The following EDEM2 variants were observed in gnomAD, a reference collection of about 807,000 sequenced individuals.
The protein encoded by EDEM2 is ER degradation enhancing alpha-mannosidase like protein 2, also known as ER degradation-enhancing alpha-mannosidase-like protein 2.
Under a neutral mutation model 64.8 loss-of-function variants are expected in EDEM2, and 39 were observed. The ratio of observed to expected loss-of-function variants is 0.60; its 90% confidence interval spans 0.47 to 0.79. EDEM2 has a LOEUF of 0.79. Among genes scored for constraint, EDEM2 ranks in the 30% least tolerant of loss-of-function variants. EDEM2 has a pLI of 0.00. For synonymous variants in EDEM2, 296 were observed against 291.5 expected, an observed-to-expected ratio of 1.02 and a Z score of -0.16; for missense variants, 609 against 731.3, an observed-to-expected ratio of 0.83 and a Z score of 1.93.
Position 35,115,773 on chromosome 20 carries a change from A to C in EDEM2, c.1397T>G (p.Leu466Arg). 6.2e-7 allele frequency: 1 copy of C among 1,614,192 alleles called. No homozygotes were observed. Among genetic ancestry groups the C allele is most frequent in the Non-Finnish European group, 8.5e-7 (1 of 1,180,026 alleles). Reference sequence around the variant, plus strand: ...GTTGAAGATGTACCCCCCAGCCCCCAGGATGCACTCCCCATAGGGGGTGAT... The same window carrying C: ...GTTGAAGATGTACCCCCCAGCCCCCCGGATGCACTCCCCATAGGGGGTGAT... ...AVITPYGECILGAGGYIFNTE... is the reference protein window; with the variant it reads ...AVITPYGECIRGAGGYIFNTE... The change falls in exon 11 of 11, where the codon CTG becomes CGG. Residue 466 changes from leucine to arginine, a missense_variant. Coordinates refer to ENST00000374492, the MANE Select transcript of EDEM2 (RefSeq NM_018217.3).
At chr20:35,140,778 A>G (rs948903179) in intron 4 of EDEM2, among the ~76,000 whole-genome samples, 6 of 152,134 alleles carry the variant, frequency 3.9e-5, no homozygotes, top group African/African-American at 1.2e-4. Flanking sequence ...TGGGGGGAAA[A>G]CAATCTAAAG....
intron 6 of EDEM2, among the ~76,000 whole-genome samples, chr20:35,132,603 G>A (rs1358953621): frequency 2.0e-5 from 3 of 152,124 alleles, no homozygotes; most frequent in East Asian, 1.9e-4. Context: ...GCAGTGAGCC[G>A]AGATCGTGCC....
intron 9 of EDEM2, 57 bp from the exon 10 acceptor site, chr20:35,118,776 G>C: frequency 6.3e-7 from 1 of 1,599,298 alleles, no homozygotes; most frequent in Non-Finnish European, 8.5e-7. Context: ...ATGGCCTGGG[G>C]CCTCTTAGGG....
At position 35,116,065 on chromosome 20, in the gene EDEM2, G is replaced by C. The variant is rs186967378; in HGVS notation, c.1237-132C>G. 1.2e-5 allele frequency: 11 copies of C among 948,666 alleles called. No individual in the cohort carries two copies. The Admixed American group carries it at 2.5e-4, about 21-fold the overall frequency. The allele number at this position is 948,666 out of a possible 1,614,324, so 58.8% of individuals were successfully genotyped here. The stretch of plus-strand genomic sequence containing the variant: ...TGTGAGCAAATCACTGAACTTTTCA[G>C]AACTTCACTCTTTCCCAAGCCACCA... On this transcript the variant is annotated intron_variant, in intron 10 of 10. Transcript: ENST00000374492.
intron 7 of EDEM2, among the ~76,000 whole-genome samples, chr20:35,128,484 T>C (rs2085465923): frequency 1.3e-5 from 2 of 148,686 alleles, no homozygotes; most frequent in South Asian, 2.1e-4. Context: ...ACAGGAGAAT[T>C]GAACCTGGGA....
chr20:35,146,927 A>T lies in EDEM2; in HGVS notation c.116T>A (p.Val39Asp), dbSNP rs1404547510. Residue 39 changes from valine (V) to aspartate (D), a missense_variant, in exon 2 of 11, where the codon GTC (valine) becomes GAC (aspartate). Transcript: ENST00000374492. ...APDPAHYRER[V>D]KAMFYHAYDS... ...GTAGGCGTGGTAGAACATGGCCTTG[A>T]CTCGCTCCCTGGGTGGGGGACGAGA... 6.2e-7 allele frequency: 1 copy of T among 1,613,430 alleles called. No individual in the cohort carries two copies. Among genetic ancestry groups the T allele is most frequent in the Admixed American group, 1.7e-5 (1 of 59,920 alleles).
intron 9 of EDEM2, 90 bp from the exon 10 acceptor site, chr20:35,118,809 A>C (rs905497664): frequency 1.9e-6 from 3 of 1,550,798 alleles, no homozygotes; most frequent in African/African-American, 1.4e-5. Flanking sequence ...ACTCCCCTCC[A>C]TATCTTGTCC....
At chr20:35,138,379 T>C (rs186594507) in intron 4 of EDEM2, among the ~76,000 whole-genome samples, 66 of 152,172 alleles carry the variant, frequency 4.3e-4, no homozygotes, top group South Asian at 2.9e-3. Context: ...TGAGGTTCCA[T>C]GAGATAAAGT....
rs757026111 is a variant in EDEM2 at position 35,134,922 on chromosome 20, T to C, written c.518A>G (p.Tyr173Cys). Residue 173 changes from tyrosine to cysteine, a missense_variant, in exon 6 of 11, where the codon TAT becomes TGT. Tyr to Cys is a radical substitution (Grantham distance 194). Coordinates refer to ENST00000374492, the MANE Select transcript of EDEM2 (RefSeq NM_018217.3). The stretch of plus-strand genomic sequence containing the variant: ...GCCATGAAGTAAGTTCACTGTTCCA[T>C]ATGGCATGCCAGTGGGGGTCTGAAA... ...PAFQTPTGMP[Y>C]GTVNLLHGVN... The C allele has an allele frequency of 9.3e-6, 15 of 1,613,998 alleles. No individual in the cohort carries two copies. Among genetic ancestry groups the C allele is most frequent in the Non-Finnish European group, 1.3e-5 (15 of 1,180,030 alleles).
rs1173973963 is a variant in EDEM2 at position 35,142,399 on chromosome 20, G to T, written c.338C>A (p.Ala113Asp). ...TCGAATGTTTGTTTCAAACACAGAG[G>T]CGTTCACATCAATATCAAAGTCCAC... Reference protein sequence around the residue: ...DSVDFDIDVNASVFETNIRVV... With the variant: ...DSVDFDIDVNDSVFETNIRVV... Residue 113 changes from alanine to aspartate, a missense_variant, in exon 4 of 11, where the codon GCC becomes GAC. Ala to Asp is a moderately radical substitution (Grantham distance 126). Transcript: ENST00000374492. 6.2e-7 allele frequency: 1 copy of T among 1,613,960 alleles called. No homozygotes were observed. The highest frequency in any genetic ancestry group is 8.5e-7 in the Non-Finnish European group (1 of 1,179,932).
At position 35,134,952 on chromosome 20, in the gene EDEM2, G is replaced by T; in HGVS notation, c.491-3C>A. 1.2e-6 allele frequency: 2 copies of T among 1,613,652 alleles called. No individual in the cohort carries two copies. Among genetic ancestry groups the T allele is most frequent in the Non-Finnish European group, 1.7e-6 (2 of 1,180,002 alleles). On this transcript the variant is annotated splice_region_variant and splice_polypyrimidine_tract_variant and intron_variant, in intron 5 of 10. Transcript: ENST00000374492. ...CATGCCAGTGGGGGTCTGAAAGGCT[G>T]AACAATCGACAAATTATGATCCCGG...
In EDEM2 at chr20:35,131,735, C is replaced by T. The variant is rs927097611; in HGVS notation, c.751G>A (p.Ala251Thr). 96 of 1,614,074 alleles carry T rather than the reference C, an allele frequency of 5.9e-5. No individual in the cohort carries two copies. The Admixed American group carries it at 1.3e-3, about 22-fold the overall frequency. The change falls in exon 7 of 11, where the codon GCA (alanine) becomes ACA (threonine). Residue 251 changes from alanine to threonine, a missense_variant. Transcript: ENST00000374492. Reference protein sequence around the residue: ...VLTGKWVAQDAGIGAGVDSYF... With the variant: ...VLTGKWVAQDTGIGAGVDSYF... The stretch of plus-strand genomic sequence containing the variant: ...GAGTCCACGCCAGCCCCGATGCCTG[C>T]GTCCTGGGCCACCCACTTGCCAGTG...
rs1569183025 is a variant in EDEM2, at chr20:35,142,416, A to T, written c.321T>A (p.Phe107Leu). The T allele has an allele frequency of 4.3e-6, 7 of 1,614,084 alleles. No individual in the cohort carries two copies. The highest frequency in any genetic ancestry group is 5.1e-6 in the Non-Finnish European group (6 of 1,180,002). ...VVEVLQDSVD[F>L]DIDVNASVFE... ...ACACAGAGGCGTTCACATCAATATC[A>T]AAGTCCACGCTGTCCTGGAGCACTT... Residue 107 changes from phenylalanine to leucine, a missense_variant, in exon 4 of 11, where the codon TTT becomes TTA. Phe to Leu is a conservative substitution (Grantham distance 22, BLOSUM62 0). Coordinates refer to ENST00000374492, the MANE Select transcript of EDEM2 (RefSeq NM_018217.3).
intron 9 of EDEM2, among the ~76,000 whole-genome samples, chr20:35,119,734 T>C (rs942601554): frequency 1.3e-5 from 2 of 152,204 alleles, no homozygotes; most frequent in African/African-American, 4.8e-5. Context: ...TGGAACTTGA[T>C]GTTAAGACAT....
At chr20:35,119,445 G>T (rs2085344476) in intron 9 of EDEM2, among the ~76,000 whole-genome samples, 1 of 151,962 alleles carries the variant, frequency 6.6e-6, no homozygotes, top group Admixed American at 6.6e-5. Flanking sequence ...AATTAAAAAT[G>T]ATTAGCTGGG....
At chr20:35,116,317 T>C (rs887717861) in intron 10 of EDEM2, among the ~76,000 whole-genome samples, 5 of 152,170 alleles carry the variant, frequency 3.3e-5, no homozygotes, top group African/African-American at 9.7e-5. Context: ...CTACAGTATC[T>C]GTATAACATA....
rs571334790 is a variant in EDEM2, at chr20:35,115,940, T to C, written c.1237-7A>G. On this transcript the variant is annotated splice_region_variant and splice_polypyrimidine_tract_variant and intron_variant, in intron 10 of 10. Coordinates refer to ENST00000374492, the MANE Select transcript of EDEM2 (RefSeq NM_018217.3). ...GGTCTCGCAGATCTTTGATCTGACA[T>C]GTGGGAGAAGGAAGCAAGCTGGAAC... The C allele has an allele frequency of 3.3e-5, 53 of 1,611,322 alleles. No homozygotes were observed. In the South Asian group the frequency reaches 4.4e-4, roughly 13 times the overall value.
At chr20:35,131,035 A>G (rs2085499068) in intron 7 of EDEM2, among the ~76,000 whole-genome samples, 1 of 152,218 alleles carries the variant, frequency 6.6e-6, no homozygotes, top group African/African-American at 2.4e-5. Flanking sequence ...CATTTAAGTT[A>G]GGCTTTGAAG....
chr20:35,140,286 C>A (rs2085634696), intron 4 of EDEM2, among the ~76,000 whole-genome samples: 1 of 152,162 alleles, frequency 6.6e-6, no homozygotes, highest in Non-Finnish European at 1.5e-5. Flanking sequence ...GAGTTTGAGA[C>A]CAGCCTGGCC....
Sources: allele counts gnomAD v4.1 joint callset (sites outside exome capture counted in the v4.1 genomes callset), GRCh38; gene constraint gnomAD v4.1.1; transcripts MANE v1.5; gene names NCBI Gene and HGNC (gene_info 2026-07-23, HGNC 2026-07-21).